The following ABTB3 variants were observed in gnomAD, a reference collection of about 807,000 sequenced individuals.
ABTB3 encodes the protein ankyrin repeat and BTB domain containing 3.
At chr12:107,435,377 T>G in the ABTB3 span, among the ~76,000 whole-genome samples, 1 of 152,206 alleles carries the variant, frequency 6.6e-6, no homozygotes, top group Non-Finnish European at 1.5e-5. Flanking sequence ...CAGCACTCTC[T>G]CCCACCTGTC....
At chr12:107,509,976 G>C in the ABTB3 span, among the ~76,000 whole-genome samples, 1 of 152,156 alleles carries the variant, frequency 6.6e-6, no homozygotes, top group Non-Finnish European at 1.5e-5. Context: ...GGTTGTCTCT[G>C]TCTATTATCC....
At chr12:107,576,060 C>A in the ABTB3 span, among the ~76,000 whole-genome samples, 1 of 152,192 alleles carries the variant, frequency 6.6e-6, no homozygotes, top group African/African-American at 2.4e-5. Context: ...CAGCACTGTA[C>A]AATCTTCAAA....
At chr12:107,465,708 C>T in the ABTB3 span, among the ~76,000 whole-genome samples, 1 of 152,114 alleles carries the variant, frequency 6.6e-6, no homozygotes, top group African/African-American at 2.4e-5. Context: ...AGCCTCAGGC[C>T]TCCAGCCTTG....
At chr12:107,508,778 A>G in the ABTB3 span, among the ~76,000 whole-genome samples, 1 of 152,020 alleles carries the variant, frequency 6.6e-6, no homozygotes, top group Admixed American at 6.5e-5. Flanking sequence ...TCCAGCACAC[A>G]ATTTCCCTGT....
the ABTB3 span, among the ~76,000 whole-genome samples, chr12:107,532,965 A>G: frequency 1.3e-5 from 2 of 152,212 alleles, 1 homozygote; most frequent in South Asian, 4.1e-4. Context: ...TAGTCTTCCC[A>G]GGACAACCAA....
At chr12:107,469,964 CTT>C in the ABTB3 span, among the ~76,000 whole-genome samples, 99 of 71,324 alleles carry the variant, frequency 1.4e-3, no homozygotes, top group African/African-American at 7.3e-3. Flanking sequence ...TTCTTTCTTT[CTT>C]TCTTTCTTTC....
chr12:107,585,672 GT>G, the ABTB3 span, among the ~76,000 whole-genome samples: 1 of 152,208 alleles, frequency 6.6e-6, no homozygotes, highest in Admixed American at 6.5e-5. Flanking sequence ...AGGCTGACAG[GT>G]TTTGTTATTT....
chr12:107,613,132 G>A, the ABTB3 span, among the ~76,000 whole-genome samples: 4 of 152,306 alleles, frequency 2.6e-5, no homozygotes, highest in South Asian at 8.3e-4. Context: ...TAGCTGCAAG[G>A]AGCACTGGCT....
chr12:107,371,413 T>C, the ABTB3 span, among the ~76,000 whole-genome samples: 76 of 152,220 alleles, frequency 5.0e-4, no homozygotes, highest in Non-Finnish European at 9.9e-4. Flanking sequence ...TCTACGAAGC[T>C]TTAGGGGAGA....
the ABTB3 span, chr12:107,659,221 G>T: frequency 6.6e-6 from 1 of 152,180 alleles, no homozygotes; most frequent in Non-Finnish European, 1.5e-5. Flanking sequence ...CTGAACCATT[G>T]TTCAGAGGAC....
At chr12:107,353,904 C>T in the ABTB3 span, among the ~76,000 whole-genome samples, 7 of 152,094 alleles carry the variant, frequency 4.6e-5, no homozygotes, top group African/African-American at 1.7e-4. Flanking sequence ...CTCCCCTCGT[C>T]CATGGAAAAT....
the ABTB3 span, among the ~76,000 whole-genome samples, chr12:107,643,655 C>T: frequency 6.6e-6 from 1 of 151,638 alleles, no homozygotes; most frequent in South Asian, 2.1e-4. Context: ...TCCATGCAGC[C>T]GTGGCTTTGC....
At chr12:107,480,955 A>G in the ABTB3 span, among the ~76,000 whole-genome samples, 3 of 152,190 alleles carry the variant, frequency 2.0e-5, no homozygotes, top group African/African-American at 7.2e-5. Flanking sequence ...GGTAGAAGTT[A>G]AATAAACACT....
chr12:107,406,951 G>T, the ABTB3 span, among the ~76,000 whole-genome samples: 1 of 152,132 alleles, frequency 6.6e-6, no homozygotes, highest in Non-Finnish European at 1.5e-5. Flanking sequence ...AGAAGCCTGC[G>T]CTTTGAGTCC....
the ABTB3 span, chr12:107,319,124 C>G: frequency 6.2e-7 from 1 of 1,606,258 alleles, no homozygotes; most frequent in Non-Finnish European, 8.5e-7. Flanking sequence ...CATGCACAGC[C>G]GGCACAACAG....
the ABTB3 span, among the ~76,000 whole-genome samples, chr12:107,569,806 A>C: frequency 1.3e-5 from 2 of 152,378 alleles, no homozygotes; most frequent in African/African-American, 4.8e-5. Flanking sequence ...GAAGTAAAAA[A>C]TCCAGGGCAG....
the ABTB3 span, chr12:107,320,021 A>T: frequency 6.4e-7 from 1 of 1,559,384 alleles, no homozygotes; most frequent in African/African-American, 1.4e-5. Context: ...CGACTCGGAG[A>T]TCTGGGGTCT....
the ABTB3 span, among the ~76,000 whole-genome samples, chr12:107,542,388 T>C: frequency 2.6e-5 from 4 of 151,726 alleles, no homozygotes; most frequent in African/African-American, 9.7e-5. Flanking sequence ...CTGGTGTGCA[T>C]GAGATGATCG....
At chr12:107,385,021 C>A in the ABTB3 span, among the ~76,000 whole-genome samples, 6 of 152,254 alleles carry the variant, frequency 3.9e-5, no homozygotes, top group African/African-American at 1.2e-4. Context: ...TGCCCGTCCT[C>A]ATACTAGGGC....
Sources: gnomAD v4.1 joint callset for allele counts (sites outside exome capture counted in the v4.1 genomes callset) on GRCh38, gnomAD v4.1.1 for gene constraint, MANE v1.5 for transcripts, NCBI Gene and HGNC (gene_info 2026-07-23, HGNC 2026-07-21) for gene names.